The following PJA2 variants were observed in gnomAD, a reference collection of about 807,000 sequenced individuals.
PJA2 encodes E3 ubiquitin-protein ligase Praja-2.
A neutral mutation model predicts 69.3 loss-of-function variants in PJA2; 25 were observed. The ratio of observed to expected loss-of-function variants is 0.36; its 90% CI spans 0.26 to 0.50. PJA2 has a LOEUF of 0.50. Among genes scored for constraint, PJA2 ranks in the 20% least tolerant of loss-of-function variants. The pLI, the probability that PJA2 is intolerant of heterozygous loss-of-function variation, is 0.96. For synonymous variants in PJA2, 308 were observed against 277.8 expected (o/e 1.11, Z -1.08); for missense variants, 809 against 830.2 (o/e 0.97, Z 0.31).
At position 109,349,026 on chromosome 5, in the gene PJA2, A is replaced by G. The variant is rs567313395; in HGVS notation, c.1765-4207T>C. Among the ~76,000 whole-genome samples, 4 of 152,354 alleles carry G rather than the reference A, an allele frequency of 2.6e-5. No individual in the cohort carries two copies. The South Asian group carries it at 8.3e-4, about 32-fold the overall frequency. ...TTACTATGAATGTGTGGAGTAATGC[A>G]TAACTAGCGATGGATACAATGCCTC... is the stretch of plus-strand genomic sequence containing the variant. On this transcript the variant is annotated intron_variant, in intron 7 of 9. Transcript: ENST00000361189.
chr5:109,357,591 A>C (rs1240605536), intron 6 of PJA2, among the ~76,000 whole-genome samples: 1 of 152,230 alleles, frequency 6.6e-6, no homozygotes, highest in Non-Finnish European at 1.5e-5. Flanking sequence ...CTTCATCTAT[A>C]AAACAAATTA....
chr5:109,402,642 G>A (rs992932117), intron 1 of PJA2, among the ~76,000 whole-genome samples: 10 of 152,122 alleles, frequency 6.6e-5, no homozygotes, highest in African/African-American at 2.4e-4. Flanking sequence ...GGAAAGAGAA[G>A]GCCTAACAAG....
chr5:109,390,407 T>C (rs1747255991), intron 1 of PJA2, among the ~76,000 whole-genome samples: 2 of 152,016 alleles, frequency 1.3e-5, no homozygotes, highest in Admixed American at 1.3e-4. Flanking sequence ...CCACATCAGC[T>C]TTCTTTTGGT....
At chr5:109,364,183 TG>T (rs1443380966) in intron 5 of PJA2, among the ~76,000 whole-genome samples, 1 of 152,010 alleles carries the variant, frequency 6.6e-6, no homozygotes, top group Non-Finnish European at 1.5e-5. Context: ...CAAAATGTAC[TG>T]GGACAACTGG....
intron 1 of PJA2, among the ~76,000 whole-genome samples, chr5:109,384,469 T>C (rs187454765): frequency 6.6e-6 from 1 of 152,322 alleles, no homozygotes; most frequent in African/African-American, 2.4e-5. Flanking sequence ...AAGTACTATT[T>C]GAGAAGTTGC....
At chr5:109,340,616 GTCCCTCCCCCTCCCCCTCCCCCTCCCCC>G (rs1762025901) in intron 9 of PJA2, among the ~76,000 whole-genome samples, 1 of 10,436 alleles carries the variant, frequency 9.6e-5, no homozygotes, top group Admixed American at 1.1e-3. Context: ...GATTTATTGG[GTCCCTCCCCCTCCCCCTCCCCCTCCCCC>G]TCCCCCTCCC....
intron 1 of PJA2, among the ~76,000 whole-genome samples, chr5:109,389,902 CTATT>C (rs1027559249): frequency 5.5e-5 from 8 of 146,648 alleles, no homozygotes; most frequent in Middle Eastern, 3.4e-3. Context: ...TATTTGCAGT[CTATT>C]TTTTTTTTTT....
chr5:109,382,234 C>T (rs185803920), intron 2 of PJA2, among the ~76,000 whole-genome samples: 1 of 152,152 alleles, frequency 6.6e-6, no homozygotes, highest in Admixed American at 6.5e-5. Flanking sequence ...TAAATATGTT[C>T]CAAAGATTAA....
At chr5:109,404,671 G>C (rs921386445) in intron 1 of PJA2, among the ~76,000 whole-genome samples, 1 of 152,124 alleles carries the variant, frequency 6.6e-6, no homozygotes, top group Non-Finnish European at 1.5e-5. Flanking sequence ...ACGGCATAAG[G>C]GGATAGGAGC....
At chr5:109,373,349 G>A (rs912593701) in intron 4 of PJA2, among the ~76,000 whole-genome samples, 6 of 152,252 alleles carry the variant, frequency 3.9e-5, no homozygotes, top group Middle Eastern at 6.8e-3. Context: ...GAAATAACTA[G>A]AGGCACAGAA....
intron 1 of PJA2, among the ~76,000 whole-genome samples, chr5:109,397,586 T>C (rs1397419996): frequency 1.3e-5 from 2 of 152,162 alleles, no homozygotes; most frequent in Non-Finnish European, 2.9e-5. Context: ...TGGTGCGATC[T>C]TGGCTCACTG....
At chr5:109,387,427 G>A (rs1434594171) in intron 1 of PJA2, among the ~76,000 whole-genome samples, 1 of 152,134 alleles carries the variant, frequency 6.6e-6, no homozygotes, top group Non-Finnish European at 1.5e-5. Flanking sequence ...CAAATTTGTA[G>A]CTAAGGTAAA....
At chr5:109,370,014 AG>A (rs1762649969) in intron 4 of PJA2, among the ~76,000 whole-genome samples, 1 of 145,210 alleles carries the variant, frequency 6.9e-6, no homozygotes. Context: ...CCTGGGCAAC[AG>A]GAGTGAAACT....
chr5:109,386,520 C>CTAA (rs1747161950), intron 1 of PJA2, among the ~76,000 whole-genome samples: 1 of 152,200 alleles, frequency 6.6e-6, no homozygotes, highest in African/African-American at 2.4e-5. Flanking sequence ...TCGGAGCCGT[C>CTAA]TAACATCCTG....
intron 6 of PJA2, 107 bp downstream of exon 6, chr5:109,362,733 G>C (rs982282904): frequency 1.4e-5 from 16 of 1,170,822 alleles, no homozygotes; most frequent in Non-Finnish European, 1.9e-5. Context: ...AGGACTAACA[G>C]ATGGGAAAAT....
At chr5:109,395,273 T>C (rs1747381082) in intron 1 of PJA2, among the ~76,000 whole-genome samples, 1 of 152,226 alleles carries the variant, frequency 6.6e-6, no homozygotes, top group African/African-American at 2.4e-5. Context: ...GGCTCATGCC[T>C]GCAATTCCAG....
At chr5:109,370,782 T>C (rs186349354) in intron 4 of PJA2, among the ~76,000 whole-genome samples, 39 of 152,266 alleles carry the variant, frequency 2.6e-4, no homozygotes, top group Admixed American at 1.9e-3. Context: ...TCTTTAACAA[T>C]TAGGGTAAGA....
intron 1 of PJA2, among the ~76,000 whole-genome samples, chr5:109,385,177 G>T (rs961975123): frequency 6.6e-6 from 1 of 152,160 alleles, no homozygotes; most frequent in Non-Finnish European, 1.5e-5. Flanking sequence ...AGAGATATTT[G>T]ACTTCTGTTT....
At chr5:109,363,850 A>AG (rs1445213030) in intron 5 of PJA2, among the ~76,000 whole-genome samples, 3 of 152,152 alleles carry the variant, frequency 2.0e-5, no homozygotes, top group African/African-American at 7.2e-5. Context: ...CAAAACAGGA[A>AG]GAAAAAAAAG....
Sources: gnomAD v4.1 joint callset for allele counts (sites outside exome capture counted in the v4.1 genomes callset) on GRCh38, gnomAD v4.1.1 for gene constraint, MANE v1.5 for transcripts, NCBI Gene and HGNC (gene_info 2026-07-23, HGNC 2026-07-21) for gene names.